NSD1: variants seen among roughly 807,000 people sequenced by gnomAD.
The protein encoded by NSD1 is nuclear receptor binding SET domain protein 1.
A neutral mutation model predicts 242.7 loss-of-function variants in NSD1; 26 were observed. The ratio of observed to expected loss-of-function variants is 0.11; its 90% CI spans 0.08 to 0.15. The LOEUF is 0.15. Ranked by LOEUF, NSD1 falls within the 10% of genes least tolerant of loss-of-function variation. The pLI is 1.00. For synonymous variants in NSD1, 1,106 were observed against 1,178.1 expected (o/e 0.94, Z 1.25); for missense variants, 2,495 against 3,272.8 (o/e 0.76, Z 5.80).
intron 2 of NSD1, among the ~76,000 whole-genome samples, chr5:177,181,517 G>A (rs1271417176): frequency 1.5e-5 from 2 of 135,684 alleles, no homozygotes; most frequent in Non-Finnish European, 3.0e-5. Context: ...CCTCCAACTC[G>A]CGGGTTCAAG....
At chr5:177,229,578 CT>C (rs1027204370) in intron 5 of NSD1, among the ~76,000 whole-genome samples, 4 of 152,038 alleles carry the variant, frequency 2.6e-5, no homozygotes, top group African/African-American at 7.3e-5. Context: ...AAATCACTTA[CT>C]TTTTTGCCTC....
chr5:177,250,566 T>G (rs1432314456), intron 11 of NSD1, among the ~76,000 whole-genome samples: 1 of 152,082 alleles, frequency 6.6e-6, no homozygotes, highest in Non-Finnish European at 1.5e-5. Flanking sequence ...AGGTCAGTTT[T>G]TTTTTTTTTT....
chr5:177,212,879 T>C (rs1479785921), intron 5 of NSD1, among the ~76,000 whole-genome samples: 5 of 152,116 alleles, frequency 3.3e-5, no homozygotes, highest in Non-Finnish European at 7.4e-5. Context: ...ACTCAAGTGA[T>C]CCGCCCACCA....
At chr5:177,186,714 C>T (rs765648978) in intron 2 of NSD1, among the ~76,000 whole-genome samples, 4 of 152,002 alleles carry the variant, frequency 2.6e-5, no homozygotes, top group Non-Finnish European at 4.4e-5. Context: ...ATAAGGTGGC[C>T]GTGGTGGCTC....
chr5:177,146,206 T>A (rs1431355344), intron 2 of NSD1, among the ~76,000 whole-genome samples: 4 of 56,706 alleles, frequency 7.1e-5, no homozygotes, highest in African/African-American at 5.5e-4. Flanking sequence ...TCACCAATCG[T>A]TTTTTTTTTT....
chr5:177,212,755 T>C (rs1238835971), intron 5 of NSD1, among the ~76,000 whole-genome samples: 1 of 152,082 alleles, frequency 6.6e-6, no homozygotes, highest in African/African-American at 2.4e-5. Context: ...ATAGATTCTA[T>C]TGGATGGTAG....
intron 10 of NSD1, 130 bp downstream of exon 10, chr5:177,246,926 A>G: frequency 1.4e-6 from 1 of 712,934 alleles, no homozygotes; most frequent in Non-Finnish European, 2.5e-6. Context: ...GCCATAAGGA[A>G]TCTTGGAGGA....
intron 2 of NSD1, among the ~76,000 whole-genome samples, chr5:177,160,201 T>C (rs1758629297): frequency 6.6e-6 from 1 of 152,136 alleles, no homozygotes; most frequent in South Asian, 2.1e-4. Flanking sequence ...AAGTGTACAG[T>C]GTTCTTGTGA....
At chr5:177,243,722 C>G (rs1448307536) in intron 8 of NSD1, among the ~76,000 whole-genome samples, 2 of 152,012 alleles carry the variant, frequency 1.3e-5, no homozygotes, top group Non-Finnish European at 2.9e-5. Flanking sequence ...GATGGAGTCT[C>G]GCTTTTGTTG....
intron 2 of NSD1, among the ~76,000 whole-genome samples, chr5:177,146,524 G>A (rs947757197): frequency 3.3e-5 from 5 of 151,954 alleles, no homozygotes; most frequent in South Asian, 2.1e-4. Context: ...AGGCATTGAC[G>A]TTCATGTAAT....
intron 5 of NSD1, among the ~76,000 whole-genome samples, chr5:177,217,240 A>G (rs2149857785): frequency 6.6e-6 from 1 of 152,250 alleles, no homozygotes; most frequent in East Asian, 1.9e-4. Context: ...TTTATTCTTA[A>G]GTATTCTATT....
At chr5:177,172,900 T>G (rs1051370634) in intron 2 of NSD1, among the ~76,000 whole-genome samples, 11 of 145,134 alleles carry the variant, frequency 7.6e-5, no homozygotes, top group Non-Finnish European at 1.5e-4. Context: ...ATGTTGAGGC[T>G]GTAGTGAGCT....
chr5:177,190,868 C>T (rs1245710681), intron 2 of NSD1, among the ~76,000 whole-genome samples: 3 of 150,566 alleles, frequency 2.0e-5, no homozygotes, highest in African/African-American at 7.4e-5. Context: ...GGGGTTTCAC[C>T]GTGTTAGCCA....
rs1410896719 is a variant in NSD1 at position 177,294,396 on chromosome 5, C to T, written c.7028C>T (p.Pro2343Leu). The T allele has an allele frequency of 6.2e-7, 1 of 1,614,196 alleles. No homozygotes were observed. The highest frequency in any genetic ancestry group is 1.6e-4 in the Middle Eastern group (1 of 6,062). ...PSPVTSPSSSPSVRSQPLERP... is the reference protein window; with the variant it reads ...PSPVTSPSSSLSVRSQPLERP... ...CCAGTGACCAGCCCAAGCTCCTCAC[C>T]CTCAGTCAGGTCCCAACCACTGGAA... is the stretch of plus-strand genomic sequence containing the variant. Residue 2343 changes from proline to leucine, a missense_variant, in exon 23 of 23, where the codon CCC becomes CTC. Pro to Leu is a moderately conservative substitution (Grantham distance 98). This residue lies in a region of NSD1 where 475 missense variants were observed against 563.7 expected (regional missense o/e 0.84). Transcript: ENST00000439151.
At chr5:177,132,183 C>G (rs1424702197), upstream of NSD1, among the ~76,000 whole-genome samples, 4 of 152,050 alleles carry the variant, frequency 2.6e-5, no homozygotes, top group Non-Finnish European at 5.9e-5. This position sits in a 1 kb window ranked among gnomAD's most constrained non-coding sequence, Gnocchi z 7.5. Flanking sequence ...CGGGCGGTCC[C>G]GTGTCCCGGC....
chr5:177,202,110 G>A (rs1762553368), intron 3 of NSD1, among the ~76,000 whole-genome samples: 1 of 151,642 alleles, frequency 6.6e-6, no homozygotes, highest in Admixed American at 6.6e-5. Context: ...AGAGGTTGCA[G>A]TGAGCCAAGA....
chr5:177,258,465 A>G (rs1389937672), intron 13 of NSD1, among the ~76,000 whole-genome samples: 1 of 151,924 alleles, frequency 6.6e-6, no homozygotes, highest in Non-Finnish European at 1.5e-5. Context: ...GTCTGTGCAT[A>G]TAGGTAAACT....
intron 12 of NSD1, among the ~76,000 whole-genome samples, chr5:177,256,459 G>A (rs1208043644): frequency 6.6e-5 from 10 of 151,884 alleles, no homozygotes; most frequent in Admixed American, 5.9e-4. Flanking sequence ...ATTTTTGTAT[G>A]TTTAGTAGAG....
chr5:177,234,668 A>G (rs916020828), intron 5 of NSD1, among the ~76,000 whole-genome samples: 2 of 152,182 alleles, frequency 1.3e-5, no homozygotes, highest in Non-Finnish European at 1.5e-5. Context: ...GTGAGCTGAG[A>G]TCATGCTGCT....
Sources: gnomAD v4.1 joint callset for allele counts (sites outside exome capture counted in the v4.1 genomes callset) on GRCh38, gnomAD v4.1.1 for gene constraint, gnomAD v4.1.1 regional missense constraint, Gnocchi (gnomAD v3.1) non-coding constraint, MANE v1.5 for transcripts, NCBI Gene and HGNC (gene_info 2026-07-23, HGNC 2026-07-21) for gene names.